Variants in RANBP10 observed in about 807,000 individuals in gnomAD.
RANBP10 encodes RAN binding protein 10, also known as ran-binding protein 10.
In RANBP10, 24 loss-of-function variants were observed where a neutral mutation model predicts 72.8. The ratio of observed to expected loss-of-function variants is 0.33; its 90% CI spans 0.24 to 0.46. RANBP10 has a LOEUF of 0.46. Ranked by LOEUF, RANBP10 falls within the 20% of genes least tolerant of loss-of-function variation. The pLI is 1.00. For synonymous variants in RANBP10, 310 were observed against 322.3 expected, an observed-to-expected ratio of 0.96 and a Z score of 0.41; for missense variants, 679 against 817.5, an observed-to-expected ratio of 0.83 and a Z score of 2.07.
At chr16:67,775,696 T>C (rs1005060366) in intron 2 of RANBP10, among the ~76,000 whole-genome samples, 9 of 150,444 alleles carry the variant, frequency 6.0e-5, no homozygotes, top group African/African-American at 2.2e-4. Flanking sequence ...TTCCAGCTGC[T>C]TAGAAGACTG....
At chr16:67,739,735 T>G (rs1457150835) in intron 4 of RANBP10, 1 of 152,100 alleles carries the variant, frequency 6.6e-6, no homozygotes, top group Non-Finnish European at 1.5e-5. Flanking sequence ...TGCCACTGGG[T>G]TCCAGCTTGG....
At chr16:67,781,986 G>A (rs1264886503) in intron 2 of RANBP10, among the ~76,000 whole-genome samples, 3 of 152,090 alleles carry the variant, frequency 2.0e-5, no homozygotes, top group Non-Finnish European at 2.9e-5. Flanking sequence ...GGTCCACCCA[G>A]CCCTGCCACC....
chr16:67,735,206 CATT>C (rs1473145546), intron 5 of RANBP10, among the ~76,000 whole-genome samples, 164 bp from the exon 6 acceptor site: 3 of 152,194 alleles, frequency 2.0e-5, no homozygotes, highest in African/African-American at 4.8e-5. Context: ...CTAGCAGAGA[CATT>C]ATGCCCCAAA....
chr16:67,759,157 C>G (rs1443416470), intron 3 of RANBP10, among the ~76,000 whole-genome samples: 1 of 152,268 alleles, frequency 6.6e-6, no homozygotes, highest in Non-Finnish European at 1.5e-5. Context: ...CTGGACGGCC[C>G]TGGAAAACCT....
rs757630157 is a variant in RANBP10, at chr16:67,727,334, G to A, written c.1725C>T (p.Ala575=). 19 of 1,607,814 alleles carry A rather than the reference G, an allele frequency of 1.2e-5. No individual in the cohort carries two copies. The highest frequency in any genetic ancestry group is 3.3e-5 in the South Asian group (3 of 90,664). ...REPVCAALNS[A]ILESQNLPKQ... Reference sequence around the variant, plus strand: ...ATAAATAGATTCACTCACCTAAAATGGCGCTGTTGAGGGCAGCACACACAG... The same window carrying A: ...ATAAATAGATTCACTCACCTAAAATAGCGCTGTTGAGGGCAGCACACACAG... The change falls in exon 13 of 14, where the codon GCC becomes GCT. Residue 575 remains alanine (A), a synonymous_variant. Transcript: ENST00000317506.
chr16:67,802,045 TGA>T lies in RANBP10; in HGVS notation c.347+3381_347+3382del, dbSNP rs1004128351. 5.3e-5 allele frequency among the ~76,000 whole-genome samples: 8 copies of T among 150,072 alleles called. No homozygotes were observed. The East Asian group carries it at 7.9e-4, about 15-fold the overall frequency. ...AGGAAGTTGAGGTGGCGGTGAGCTG[TGA>T]TCATGCCATTGCACTCCAGCCTGAG... On this transcript the variant is annotated intron_variant, in intron 2 of 13. Transcript: ENST00000317506.
In RANBP10 at chr16:67,734,927, T is replaced by G. The variant is rs2053811480; in HGVS notation, c.707A>C (p.Lys236Thr). Residue 236 changes from lysine to threonine, a missense_variant, in exon 6 of 14, where the codon AAG (lysine) becomes ACG (threonine). Transcript: ENST00000317506. ...GAAGCAGTGGACCGTGCCCTGGACCTTGGCACGCCACTCCCGCATGTAGTC... is the reference window on the plus strand; with the variant it reads ...GAAGCAGTGGACCGTGCCCTGGACCGTGGCACGCCACTCCCGCATGTAGTC... ...IEDYMREWRA[K>T]VQGTVHCFPI... is the part of the protein sequence containing the mutation. The G allele has an allele frequency of 2.5e-6, 4 of 1,613,812 alleles. No individual in the cohort carries two copies. The highest frequency in any genetic ancestry group is 3.4e-6 in the Non-Finnish European group (4 of 1,179,930).
chr16:67,792,830 G>C (rs1341124715), intron 2 of RANBP10, among the ~76,000 whole-genome samples: 4 of 151,298 alleles, frequency 2.6e-5, no homozygotes, highest in Non-Finnish European at 5.9e-5. Flanking sequence ...CCTCAAGTTA[G>C]GGTGCTCGTA....
intron 2 of RANBP10, among the ~76,000 whole-genome samples, chr16:67,799,579 G>A (rs756478706): frequency 5.3e-5 from 8 of 151,986 alleles, no homozygotes; most frequent in Non-Finnish European, 1.2e-4. Context: ...GAGCCACTGC[G>A]CCCGGCCAGC....
At chr16:67,790,678 C>T (rs2055007255) in intron 2 of RANBP10, among the ~76,000 whole-genome samples, 1 of 151,592 alleles carries the variant, frequency 6.6e-6, no homozygotes, top group Admixed American at 6.6e-5. Context: ...AAGGACCCAA[C>T]TGTTTCTACT....
rs571540898 is a variant in RANBP10, at chr16:67,738,960, C to T, written c.569-925G>A. The stretch of plus-strand genomic sequence containing the variant: ...CACATATTTATGGAAACTTATTGTG[C>T]ATGCCAGATCCTTTTTTGGAGAAGG... On this transcript the variant is annotated intron_variant, in intron 4 of 13. Coordinates refer to ENST00000317506, the MANE Select transcript of RANBP10 (RefSeq NM_020850.3). 3 of 151,672 alleles carry T rather than the reference C, an allele frequency of 2.0e-5. No individual in the cohort carries two copies. In the South Asian group the frequency reaches 6.3e-4, roughly 32 times the overall value. The allele number at this position is 151,672 out of a possible 1,614,324, so 9.4% of individuals were successfully genotyped here.
In RANBP10 at chr16:67,729,373, G is replaced by C. The variant is rs763986368; in HGVS notation, c.1259C>G (p.Ser420Cys). ...GTAATTGACGGAGGATGGGGAAGAGGACGAGGAGGAGGAGGAGGACGAGGA... is the reference window on the plus strand; with the variant it reads ...GTAATTGACGGAGGATGGGGAAGAGCACGAGGAGGAGGAGGAGGACGAGGA... ...SSSSSSSSSS[S>C]SSPSSVNYSE... The change falls in exon 10 of 14, where the codon TCC becomes TGC. Residue 420 changes from serine to cysteine, a missense_variant. Physicochemically the swap from Ser to Cys is moderately radical, Grantham distance 112. Coordinates refer to ENST00000317506, the MANE Select transcript of RANBP10 (RefSeq NM_020850.3). This position sits in a 1 kb window ranked among gnomAD's most constrained non-coding sequence, Gnocchi z 7.1. 2 of 1,613,140 alleles carry C rather than the reference G, an allele frequency of 1.2e-6. No individual in the cohort carries two copies. Among genetic ancestry groups the C allele is most frequent in the Non-Finnish European group, 1.7e-6 (2 of 1,179,580 alleles).
At chr16:67,733,053 CAAA>C (rs770521202) in intron 6 of RANBP10, among the ~76,000 whole-genome samples, 2 of 43,794 alleles carry the variant, frequency 4.6e-5, no homozygotes. Context: ...GACTCCATCT[CAAA>C]AAAAAAAAAA....
intron 4 of RANBP10, among the ~76,000 whole-genome samples, chr16:67,743,671 C>T (rs1482311801): frequency 1.3e-5 from 2 of 152,182 alleles, no homozygotes; most frequent in Non-Finnish European, 2.9e-5. Flanking sequence ...GTCACCAAGC[C>T]CTGCAGGGCC....
chr16:67,750,371 T>A (rs2054170796), intron 3 of RANBP10, among the ~76,000 whole-genome samples: 1 of 152,228 alleles, frequency 6.6e-6, no homozygotes, highest in African/African-American at 2.4e-5. Flanking sequence ...AATTCCTGCC[T>A]CCTGGAGTCT....
intron 3 of RANBP10, 60 bp from the exon 4 acceptor site, chr16:67,744,515 C>A: frequency 6.7e-7 from 1 of 1,496,988 alleles, no homozygotes; most frequent in Non-Finnish European, 9.1e-7. Context: ...CAAGACAAGT[C>A]ACAGAAGCCC....
At chr16:67,780,065 C>T (rs60208758) in intron 2 of RANBP10, among the ~76,000 whole-genome samples, 1 of 152,090 alleles carries the variant, frequency 6.6e-6, no homozygotes, top group Admixed American at 6.6e-5. Context: ...AACCCCATCT[C>T]TACTAAAAAT....
intron 3 of RANBP10, among the ~76,000 whole-genome samples, chr16:67,748,055 G>A (rs2054121665): frequency 1.3e-5 from 2 of 150,170 alleles, no homozygotes; most frequent in Admixed American, 1.3e-4. Flanking sequence ...TTGATCTCCT[G>A]ACCTCACGAT....
Position 67,737,969 on chromosome 16 carries a change from GC to G in RANBP10, c.591+43del, listed in dbSNP as rs760986635. 2.6e-6 allele frequency: 4 copies of G among 1,562,306 alleles called. No individual in the cohort carries two copies. The South Asian group carries it at 4.7e-5, about 18-fold the overall frequency. On this transcript the variant is annotated intron_variant, in intron 5 of 13. Transcript: ENST00000317506. Reference sequence around the variant, plus strand: ...GTACCACCGTGCCCCATCCCAGTCAGCCCCCAGAAACCCAGGAGGGGAAGAC... The same window carrying G: ...GTACCACCGTGCCCCATCCCAGTCAGCCCCAGAAACCCAGGAGGGGAAGAC...
Sources: gnomAD v4.1 joint callset for allele counts (sites outside exome capture counted in the v4.1 genomes callset) on GRCh38, gnomAD v4.1.1 for gene constraint, Gnocchi (gnomAD v3.1) non-coding constraint, MANE v1.5 for transcripts, NCBI Gene and HGNC (gene_info 2026-07-23, HGNC 2026-07-21) for gene names.